The following WDHD1 variants were observed in gnomAD, a reference collection of about 807,000 sequenced individuals.
WDHD1 encodes WD repeat and HMG-box DNA-binding protein 1.
Under a neutral mutation model 135.4 loss-of-function variants are expected in WDHD1, and 111 were observed. That is an observed-to-expected ratio of 0.82 (90% confidence interval 0.70 to 0.96). WDHD1 has a LOEUF of 0.96. Among genes scored for constraint, WDHD1 ranks in the 40% least tolerant of loss-of-function variants. The probability of loss-of-function intolerance (pLI) is 0.00; values close to 1 mark genes in which losing one functional copy is unlikely to be tolerated. For missense variants in WDHD1, 1,351 were observed against 1,336.3 expected (o/e 1.01, Z -0.17); for synonymous variants, 434 against 439.0 (o/e 0.99, Z 0.14).
intron 3 of WDHD1, among the ~76,000 whole-genome samples, chr14:55,012,384 TTATAGA>T (rs764815226): frequency 2.6e-5 from 4 of 152,188 alleles, no homozygotes; most frequent in Non-Finnish European, 4.4e-5. Context: ...GCTTAGGGGT[TTATAGA>T]TAATTAATTT....
rs143759248 is a variant in WDHD1 at position 54,941,352 on chromosome 14, T to C, written c.*138A>G. On this transcript the variant is annotated 3_prime_UTR_variant, in exon 26 of 26. Coordinates refer to ENST00000360586, the MANE Select transcript of WDHD1 (RefSeq NM_007086.4). ...CTGTTACCTACACCAATATAATTACTACATTATCTTATAAAGACAAACAGT... is the reference window on the plus strand; with the variant it reads ...CTGTTACCTACACCAATATAATTACCACATTATCTTATAAAGACAAACAGT... 1.5e-5 allele frequency: 10 copies of C among 682,044 alleles called. 1 individual carries two copies. Among genetic ancestry groups the C allele is most frequent in the South Asian group, 1.4e-4 (5 of 36,798 alleles). The allele number at this position is 682,044 out of a possible 1,614,324, so 42.2% of individuals were successfully genotyped here.
chr14:55,005,603 C>CT (rs1187457131), intron 7 of WDHD1: 3 of 598,428 alleles, frequency 5.0e-6, no homozygotes, highest in Non-Finnish European at 9.5e-6. Context: ...GAAGACAAAG[C>CT]TGGTGCTACC....
rs750852653 is a variant in WDHD1 at position 54,944,356 on chromosome 14, T to A, written c.3165A>T (p.Arg1055Ser). 3.7e-6 allele frequency: 6 copies of A among 1,607,200 alleles called. No individual in the cohort carries two copies. The Admixed American group carries it at 1.0e-4, about 28-fold the overall frequency. ...CCTTTCTTTCTTCAGTTGACAATAC[T>A]CTAAATCGAATCATTCCTTCTTTTA... Reference protein sequence around the residue: ...DIIKEGMIRFRVLSTEERKVW... With the variant: ...DIIKEGMIRFSVLSTEERKVW... Residue 1055 changes from arginine to serine, a missense_variant, in exon 25 of 26, where the codon AGA (arginine) becomes AGT (serine). Coordinates refer to ENST00000360586, the MANE Select transcript of WDHD1 (RefSeq NM_007086.4).
At chr14:54,950,022 C>A (rs1360570307) in intron 24 of WDHD1, among the ~76,000 whole-genome samples, 1 of 152,140 alleles carries the variant, frequency 6.6e-6, no homozygotes, top group Admixed American at 6.6e-5. Context: ...ACAACCGGTA[C>A]CAGCCACTGA....
intron 2 of WDHD1, among the ~76,000 whole-genome samples, chr14:55,023,015 A>G (rs1156274851): frequency 1.3e-5 from 2 of 151,800 alleles, no homozygotes; most frequent in East Asian, 3.9e-4. Flanking sequence ...TAGTAGAGAC[A>G]GGGTTTCAAC....
chr14:54,996,406 G>T (rs747269908), intron 10 of WDHD1, among the ~76,000 whole-genome samples: 2 of 152,112 alleles, frequency 1.3e-5, no homozygotes, highest in African/African-American at 4.8e-5. Flanking sequence ...TCAGGAGTTC[G>T]AGACCAGCCT....
At chr14:54,970,830 C>A (rs1297717350) in intron 16 of WDHD1, among the ~76,000 whole-genome samples, 1 of 152,024 alleles carries the variant, frequency 6.6e-6, no homozygotes, top group Non-Finnish European at 1.5e-5. Context: ...ATCACATTAC[C>A]CAACATCAAA....
At chr14:54,949,780 C>T (rs2041009317) in intron 24 of WDHD1, among the ~76,000 whole-genome samples, 1 of 152,236 alleles carries the variant, frequency 6.6e-6, no homozygotes. Flanking sequence ...GCCCATCAGA[C>T]TAACAGCTGA....
intron 2 of WDHD1, among the ~76,000 whole-genome samples, chr14:55,017,097 G>A (rs1273973076): frequency 1.3e-5 from 2 of 152,178 alleles, no homozygotes; most frequent in African/African-American, 2.4e-5. Flanking sequence ...TGCTGAAAGT[G>A]AAATATCTGA....
intron 7 of WDHD1, chr14:55,005,156 G>T (rs921527695): frequency 3.7e-6 from 2 of 537,690 alleles, no homozygotes; most frequent in South Asian, 1.4e-5. Flanking sequence ...TTCCTGGATC[G>T]GCATCCACCA....
chr14:55,006,436 T>C (rs1397390748), intron 7 of WDHD1, among the ~76,000 whole-genome samples: 1 of 152,210 alleles, frequency 6.6e-6, no homozygotes, highest in Non-Finnish European at 1.5e-5. Flanking sequence ...GTATACAGGA[T>C]AACAATCCTG....
At chr14:55,017,784 A>C (rs2042285167) in intron 2 of WDHD1, among the ~76,000 whole-genome samples, 1 of 152,202 alleles carries the variant, frequency 6.6e-6, no homozygotes, top group Non-Finnish European at 1.5e-5. Flanking sequence ...TCAAATTTTC[A>C]GATTTTATTT....
At chr14:54,971,648 C>T (rs1161571220) in intron 16 of WDHD1, among the ~76,000 whole-genome samples, 3 of 140,078 alleles carry the variant, frequency 2.1e-5, no homozygotes, top group Non-Finnish European at 4.5e-5. Context: ...GTCGAGGCTG[C>T]AGTGAGCCAT....
chr14:54,979,230 T>C (rs1327300660), intron 16 of WDHD1, among the ~76,000 whole-genome samples: 4 of 152,182 alleles, frequency 2.6e-5, no homozygotes, highest in Non-Finnish European at 5.9e-5. Flanking sequence ...TGACTCACTG[T>C]AACCTCAACC....
At chr14:55,008,809 T>G (rs1203092321) in intron 4 of WDHD1, 90 bp from the exon 5 acceptor site, 1 of 1,092,218 alleles carries the variant, frequency 9.2e-7, no homozygotes, top group Non-Finnish European at 1.3e-6. Context: ...TTTTTTTTTT[T>G]TTTCTTTTTG....
In WDHD1 at chr14:55,002,147, A is replaced by G; in HGVS notation, c.639T>C (p.Tyr213=). The G allele has an allele frequency of 6.2e-7, 1 of 1,605,956 alleles. No individual in the cohort carries two copies. Among genetic ancestry groups the G allele is most frequent in the Non-Finnish European group, 8.5e-7 (1 of 1,177,720 alleles). ...ATTGATGACTCCAAGATTCTCTTCT[A>G]TATAGCTTAACAGATTTTTCCACAG... ...AIPVEKSVKL[Y]RRESWSHQFD... is the part of the protein sequence containing the mutation. The change falls in exon 8 of 26, where the codon TAT becomes TAC. Residue 213 remains tyrosine (Y), a synonymous_variant. Transcript: ENST00000360586.
intron 10 of WDHD1, 90 bp from the exon 11 acceptor site, chr14:54,995,903 T>C: frequency 2.0e-6 from 2 of 993,530 alleles, no homozygotes; most frequent in Non-Finnish European, 2.8e-6. Context: ...TATGCACCTA[T>C]AAATTCTACC....
chr14:54,949,444 T>G (rs1019590129), intron 24 of WDHD1, among the ~76,000 whole-genome samples: 2 of 151,774 alleles, frequency 1.3e-5, no homozygotes, highest in Non-Finnish European at 2.9e-5. Flanking sequence ...AGAAGAAAAG[T>G]TTAGAGAAAA....
At chr14:55,013,262 A>C (rs2042203384) in intron 3 of WDHD1, among the ~76,000 whole-genome samples, 1 of 150,730 alleles carries the variant, frequency 6.6e-6, no homozygotes, top group African/African-American at 2.4e-5. Context: ...TTAAAATATT[A>C]TTTCATGAGA....
Sources: allele counts gnomAD v4.1 joint callset (sites outside exome capture counted in the v4.1 genomes callset), GRCh38; gene constraint gnomAD v4.1.1; transcripts MANE v1.5; gene names NCBI Gene and HGNC (gene_info 2026-07-23, HGNC 2026-07-21).